The following CYGB variants were observed in gnomAD, a reference collection of about 807,000 sequenced individuals.
CYGB encodes the protein histoglobin.
A neutral mutation model predicts 20.7 loss-of-function variants in CYGB; 13 were observed. The ratio of observed to expected loss-of-function variants is 0.63; its 90% confidence interval spans 0.41 to 1.00. CYGB has a LOEUF of 1.00. Among genes scored for constraint, CYGB ranks in the 50% least tolerant of loss-of-function variants. The pLI is 0.00. For missense variants in CYGB, 218 were observed against 257.2 expected (o/e 0.85, Z 1.04); for synonymous variants, 93 against 107.4 (o/e 0.87, Z 0.83).
At chr17:76,529,414 T>C (rs868527090) in intron 3 of CYGB, 2 of 985,268 alleles carry the variant, frequency 2.0e-6, no homozygotes, top group South Asian at 4.7e-5. Context: ...TTCAAAATGT[T>C]TGGGGTTTGG....
chr17:76,528,456 G>A lies in CYGB; in HGVS notation c.*122C>T, dbSNP rs1205872383. ...TGGCCGCCACAGAGGCCTCCTTCGG[G>A]GAAGTTGAGTCAGGGATTCCTCCAG... On this transcript the variant is annotated 3_prime_UTR_variant, in exon 4 of 4. Coordinates refer to ENST00000293230, the MANE Select transcript of CYGB (RefSeq NM_134268.5). This position sits in a 1 kb window ranked among gnomAD's most constrained non-coding sequence, Gnocchi z 5.8. 5.2e-6 allele frequency: 5 copies of A among 966,468 alleles called. No individual in the cohort carries two copies. The South Asian group carries it at 1.2e-4, about 23-fold the overall frequency. 59.9% of individuals were successfully genotyped at this position (966,468 alleles called of 1,614,324 possible).
chr17:76,540,665 G>T (rs905206727), upstream of CYGB: 25 of 1,273,934 alleles, frequency 2.0e-5, no homozygotes, highest in African/African-American at 3.4e-4. This position sits in a 1 kb window ranked among gnomAD's most constrained non-coding sequence, Gnocchi z 5.0. Flanking sequence ...GCCTGTGCGC[G>T]CCTGTGCGTG....
chr17:76,534,122 C>A (rs138925195), intron 1 of CYGB, among the ~76,000 whole-genome samples: 1 of 147,316 alleles, frequency 6.8e-6, no homozygotes, highest in Non-Finnish European at 1.5e-5. Flanking sequence ...TTCTTTCTTT[C>A]TTTCTTTCTC....
At chr17:76,529,101 A>G (rs1202183637) in intron 3 of CYGB, 2 of 963,244 alleles carry the variant, frequency 2.1e-6, no homozygotes, top group Non-Finnish European at 2.4e-6. Flanking sequence ...GAGACGGCTC[A>G]ATAAACAGTG....
chr17:76,543,472 C>T, intron 1 of CYGB: 1 of 341,420 alleles, frequency 2.9e-6, no homozygotes, highest in South Asian at 2.3e-5. Context: ...ATTTAATCTT[C>T]AGTCACCCAC....
upstream of CYGB, chr17:76,542,415 G>A (rs1481640181): frequency 2.0e-6 from 2 of 978,468 alleles, no homozygotes; most frequent in East Asian, 4.8e-5. Context: ...TGTCCTAAAT[G>A]CCAACTGATT....
Position 76,546,865 on chromosome 17 carries a change from G to A in CYGB, c.-53+3997C>T, listed in dbSNP as rs2075058389. On this transcript the variant is annotated intron_variant, in intron 1 of 3. Transcript: ENST00000589145. This position sits in a 1 kb window ranked among gnomAD's most constrained non-coding sequence, Gnocchi z 4.5. ...TGTTATCATTTATCCAATAAGGAAA[G>A]TGAGGTTCACAGAACTTGCTCAAGG... The A allele has an allele frequency of 1.3e-5, 2 of 152,226 alleles. No individual in the cohort carries two copies. The highest frequency in any genetic ancestry group is 1.3e-4 in the Admixed American group (2 of 15,286). 9.4% of individuals were successfully genotyped at this position (152,226 alleles called of 1,614,324 possible).
rs772408226 is a variant in CYGB at position 76,531,528 on chromosome 17, A to T, written c.307T>A (p.Ser103Thr). The change falls in exon 2 of 4, where the codon TCC (serine) becomes ACC (threonine). Residue 103 changes from serine to threonine, a missense_variant. Ser to Thr is a moderately conservative substitution (Grantham distance 58, BLOSUM62 1). Coordinates refer to ENST00000293230, the MANE Select transcript of CYGB (RefSeq NM_134268.5). The surrounding 1 kb of genome is among the most constrained non-coding windows in gnomAD (Gnocchi z 7.4). ...TTCCCCACAAGGGCGAGCACAGAGG[A>T]CACCTTGTCGGGGTCATGCAGGTTC... is the stretch of plus-strand genomic sequence containing the variant. ...VENLHDPDKV[S>T]SVLALVGKAH... 6.2e-7 allele frequency: 1 copy of T among 1,613,978 alleles called. No individual in the cohort carries two copies. Among genetic ancestry groups the T allele is most frequent in the African/African-American group, 1.3e-5 (1 of 74,930 alleles).
upstream of CYGB, chr17:76,538,426 G>A (rs563699991): frequency 6.2e-5 from 28 of 451,414 alleles, no homozygotes; most frequent in South Asian, 4.3e-4. Context: ...CTCTCCTTCC[G>A]CCCAGCACCT....
chr17:76,532,351 AC>A (rs906892454), intron 1 of CYGB, among the ~76,000 whole-genome samples: 16 of 152,034 alleles, frequency 1.1e-4, no homozygotes, highest in Non-Finnish European at 1.5e-5. Flanking sequence ...CCTGTGTCAG[AC>A]ATGCCTTACC....
chr17:76,535,842 G>A (rs1598206968), intron 1 of CYGB, among the ~76,000 whole-genome samples: 2 of 152,200 alleles, frequency 1.3e-5, no homozygotes, highest in South Asian at 2.1e-4. Context: ...CTTCCTCCAC[G>A]TATCCGCACA....
intron 1 of CYGB, among the ~76,000 whole-genome samples, chr17:76,537,153 G>T (rs776521595): frequency 8.5e-4 from 130 of 152,190 alleles, no homozygotes; most frequent in Non-Finnish European, 1.1e-3. Flanking sequence ...GAGAGGAGGG[G>T]GACCGAGGTG....
intron 1 of CYGB, chr17:76,544,196 C>G (rs909803223): frequency 2.2e-5 from 10 of 454,432 alleles, no homozygotes; most frequent in African/African-American, 1.2e-4. Context: ...TCAAAAACCC[C>G]CCGTGCCTCT....
intron 3 of CYGB, chr17:76,529,350 T>C: frequency 1.0e-6 from 1 of 985,306 alleles, no homozygotes; most frequent in East Asian, 1.1e-4. Context: ...CGGTAGCCCA[T>C]CTCCATTCAG....
At chr17:76,532,917 ATAACT>A (rs1191213295) in intron 1 of CYGB, among the ~76,000 whole-genome samples, 2 of 152,220 alleles carry the variant, frequency 1.3e-5, no homozygotes, top group South Asian at 2.1e-4. Flanking sequence ...CAGAACTTAA[ATAACT>A]TAAGTGAATC....
chr17:76,539,587 A>G (rs1159075715), upstream of CYGB, among the ~76,000 whole-genome samples: 6 of 152,114 alleles, frequency 3.9e-5, no homozygotes, highest in African/African-American at 1.4e-4. Flanking sequence ...TGATGCTTCC[A>G]CGGTGACATC....
chr17:76,543,806 C>G, intron 1 of CYGB: 1 of 470,998 alleles, frequency 2.1e-6, no homozygotes, highest in South Asian at 1.5e-5. Context: ...TCCCCAGTTC[C>G]CAGAGCTCAT....
Position 76,527,718 on chromosome 17 carries a change from C to G in CYGB, c.*860G>C, listed in dbSNP as rs906672654. 2.2e-6 allele frequency: 1 copy of G among 454,028 alleles called. No individual in the cohort carries two copies. The highest frequency in any genetic ancestry group is 4.4e-6 in the Non-Finnish European group (1 of 226,742). The allele number at this position is 454,028 out of a possible 1,614,324, so 28.1% of individuals were successfully genotyped here. Reference sequence around the variant, plus strand: ...AGCAGCCCGGATCCCCCGGGGCTGCCCTGGTGGCCAAGGCAGGTGGAGCTA... The same window carrying G: ...AGCAGCCCGGATCCCCCGGGGCTGCGCTGGTGGCCAAGGCAGGTGGAGCTA... On this transcript the variant is annotated 3_prime_UTR_variant, in exon 4 of 4. Transcript: ENST00000293230.
Position 76,531,418 on chromosome 17 carries a change from C to T in CYGB, c.375+42G>A, listed in dbSNP as rs776996739. On this transcript the variant is annotated intron_variant, in intron 2 of 3. Transcript: ENST00000293230. The surrounding 1 kb of genome is among the most constrained non-coding windows in gnomAD (Gnocchi z 7.4). ...GCCTGCGAGCTGCAGATGGCCATGACGCGTGGGCGGTGGGGGCTCTGCAGC... is the reference window on the plus strand; with the variant it reads ...GCCTGCGAGCTGCAGATGGCCATGATGCGTGGGCGGTGGGGGCTCTGCAGC... 21 of 1,582,702 alleles carry T rather than the reference C, an allele frequency of 1.3e-5. No homozygotes were observed. The highest frequency in any genetic ancestry group is 6.8e-5 in the East Asian group (3 of 44,224).
Sources: gnomAD v4.1 joint callset for allele counts (sites outside exome capture counted in the v4.1 genomes callset) on GRCh38, gnomAD v4.1.1 for gene constraint, Gnocchi (gnomAD v3.1) non-coding constraint, MANE v1.5 for transcripts, NCBI Gene and HGNC (gene_info 2026-07-23, HGNC 2026-07-21) for gene names.